Variants in PGGT1B observed in about 807,000 individuals in gnomAD.
PGGT1B encodes geranylgeranyl transferase type-1 subunit beta.
Under a neutral mutation model 46.1 loss-of-function variants are expected in PGGT1B, and 30 were observed. That is an observed-to-expected ratio of 0.65 (90% confidence interval 0.49 to 0.88). The LOEUF is 0.88. Among genes scored for constraint, PGGT1B ranks in the 40% least tolerant of loss-of-function variants. The probability of loss-of-function intolerance (pLI) is 0.00; values close to 1 mark genes in which losing one functional copy is unlikely to be tolerated. For synonymous variants in PGGT1B, 170 were observed against 160.0 expected (o/e 1.06, Z -0.47); for missense variants, 376 against 455.9 (o/e 0.82, Z 1.60).
At chr5:115,226,174 A>G (rs1418605468) in intron 6 of PGGT1B, among the ~76,000 whole-genome samples, 6 of 152,078 alleles carry the variant, frequency 3.9e-5, no homozygotes, top group African/African-American at 1.4e-4. Flanking sequence ...TTACCCTAAA[A>G]CTGTACAAGA....
intron 2 of PGGT1B, among the ~76,000 whole-genome samples, chr5:115,248,682 C>T (rs544336617): frequency 6.6e-6 from 1 of 152,272 alleles, no homozygotes; most frequent in East Asian, 1.9e-4. Context: ...ATATGCCAAA[C>T]GTGATTGTCT....
At chr5:115,242,891 C>T (rs576832511) in intron 2 of PGGT1B, among the ~76,000 whole-genome samples, 30 of 152,074 alleles carry the variant, frequency 2.0e-4, no homozygotes, top group Non-Finnish European at 3.1e-4. Context: ...TGCTTGAACC[C>T]GGGAGGTGGA....
chr5:115,218,689 A>G (rs1278302218), intron 7 of PGGT1B, among the ~76,000 whole-genome samples: 2 of 151,668 alleles, frequency 1.3e-5, no homozygotes, highest in Non-Finnish European at 3.0e-5. Context: ...TAATAAATTG[A>G]GAAGGAATGA....
intron 8 of PGGT1B, among the ~76,000 whole-genome samples, chr5:115,214,818 A>C (rs936189989): frequency 1.3e-5 from 2 of 152,212 alleles, no homozygotes; most frequent in African/African-American, 4.8e-5. Context: ...ATTATTTGTT[A>C]AAACAGTACC....
rs1258491376 is a variant in PGGT1B at position 115,236,484 on chromosome 5, C to A, written c.518G>T (p.Arg173Leu). ...AVPEGSENDM[R>L]FVYCASCICY... ...AATACAGGAAGCACAGTACACAAAT[C>A]GCATGTCATTTTCACTGCCTTCAGG... The change falls in exon 5 of 9, where the codon CGA becomes CTA. Residue 173 changes from arginine to leucine, a missense_variant. By Grantham distance (102) the Arg-to-Leu change is moderately radical. Transcript: ENST00000419445. 2 of 1,564,994 alleles carry A rather than the reference C, an allele frequency of 1.3e-6. No homozygotes were observed. The highest frequency in any genetic ancestry group is 1.7e-6 in the Non-Finnish European group (2 of 1,160,434).
Position 115,211,440 on chromosome 5 carries a change from TTTAC to T in PGGT1B, c.*958_*961del, listed in dbSNP as rs1314585765. 6.6e-6 allele frequency: 1 copy of T among 151,990 alleles called. No homozygotes were observed. Among genetic ancestry groups the T allele is most frequent in the Non-Finnish European group, 1.5e-5 (1 of 67,906 alleles). The allele number at this position is 151,990 out of a possible 1,614,324, so 9.4% of individuals were successfully genotyped here. On this transcript the variant is annotated 3_prime_UTR_variant, in exon 9 of 9. Transcript: ENST00000419445. ...TTTGAATGGTTCTGTTTTTGTATTTTTTACTTATTTAATTTGAAAAAAATTAGAA... is the reference window on the plus strand; with the variant it reads ...TTTGAATGGTTCTGTTTTTGTATTTTTTATTTAATTTGAAAAAAATTAGAA...
Position 115,216,935 on chromosome 5 carries a change from A to G in PGGT1B, c.882T>C (p.Asn294=). ...KIFQYTNFEK[N]RNYILSTQDR... ...CTTGAGTTGATAAGATGTAATTTCT[A>G]TTTTTCTCAAAGTTAGTGTATTGGA... Residue 294 remains asparagine, a synonymous_variant, in exon 8 of 9, where the codon AAT becomes AAC. Coordinates refer to ENST00000419445, the MANE Select transcript of PGGT1B (RefSeq NM_005023.4). 1.3e-6 allele frequency: 2 copies of G among 1,589,812 alleles called. No homozygotes were observed. Among genetic ancestry groups the G allele is most frequent in the African/African-American group, 2.7e-5 (2 of 74,422 alleles).
intron 6 of PGGT1B, among the ~76,000 whole-genome samples, chr5:115,229,427 T>C (rs1393145261): frequency 6.6e-6 from 1 of 152,112 alleles, no homozygotes; most frequent in Non-Finnish European, 1.5e-5. Context: ...AAGGAAGATA[T>C]ACGCTTTGGG....
At chr5:115,262,435 G>T (rs1043399406) in intron 1 of PGGT1B, 6 of 467,964 alleles carry the variant, frequency 1.3e-5, no homozygotes, top group African/African-American at 3.9e-5. Flanking sequence ...GACAGGCTAT[G>T]GGAGCGGGTA....
At chr5:115,243,639 GT>G (rs1265806420) in intron 2 of PGGT1B, among the ~76,000 whole-genome samples, 1 of 152,166 alleles carries the variant, frequency 6.6e-6, no homozygotes, top group Non-Finnish European at 1.5e-5. Flanking sequence ...CTGCCTTACT[GT>G]TTGTAAGGTC....
chr5:115,218,976 A>AT (rs1289434636), intron 7 of PGGT1B, among the ~76,000 whole-genome samples: 1 of 151,922 alleles, frequency 6.6e-6, no homozygotes, highest in East Asian at 1.9e-4. Context: ...ATGGAAAAGC[A>AT]TCCTGTGCTC....
intron 1 of PGGT1B, among the ~76,000 whole-genome samples, chr5:115,257,158 T>C (rs1748355643): frequency 1.3e-5 from 2 of 149,590 alleles, no homozygotes; most frequent in African/African-American, 5.0e-5. Context: ...TTAACCTAAG[T>C]GTCTCCAAAA....
intron 5 of PGGT1B, among the ~76,000 whole-genome samples, chr5:115,233,362 G>C (rs185644557): frequency 1.3e-4 from 20 of 151,638 alleles, no homozygotes; most frequent in Admixed American, 1.1e-3. Context: ...TTAAATTACA[G>C]GATGACTAAG....
At chr5:115,229,668 C>T (rs1756917325) in intron 6 of PGGT1B, among the ~76,000 whole-genome samples, 1 of 152,078 alleles carries the variant, frequency 6.6e-6, no homozygotes, top group African/African-American at 2.4e-5. Flanking sequence ...CCAGAGTGTA[C>T]ACTAATACCA....
At chr5:115,250,392 T>C (rs1380440821) in intron 2 of PGGT1B, among the ~76,000 whole-genome samples, 1 of 152,136 alleles carries the variant, frequency 6.6e-6, no homozygotes, top group Non-Finnish European at 1.5e-5. Flanking sequence ...GATTTAATAG[T>C]CTAACAACTA....
intron 6 of PGGT1B, among the ~76,000 whole-genome samples, chr5:115,226,708 G>C (rs917042837): frequency 1.3e-5 from 2 of 151,956 alleles, no homozygotes; most frequent in African/African-American, 2.4e-5. Context: ...CATTGTACAA[G>C]GGCATATGGA....
rs1344839525 is a variant in PGGT1B at position 115,204,729 on chromosome 5, G to C, written c.*7673C>G. On this transcript the variant is annotated 3_prime_UTR_variant, in exon 9 of 9. Coordinates refer to ENST00000419445, the MANE Select transcript of PGGT1B (RefSeq NM_005023.4). ...TTTAAAGCATAAATCCTTTAGTCCA[G>C]GAAATTCTTTCTAGGAACACCATAA... The C allele has an allele frequency of 6.6e-6, 1 of 151,994 alleles. No homozygotes were observed. Among genetic ancestry groups the C allele is most frequent in the Non-Finnish European group, 1.5e-5 (1 of 67,990 alleles). 9.4% of individuals were successfully genotyped at this position (151,994 alleles called of 1,614,324 possible).
At position 115,237,841 on chromosome 5, in the gene PGGT1B, C is replaced by T. The variant is rs762385521; in HGVS notation, c.479+17G>A. ...TTTTTGTTTATTACAAAAAAAGTAA[C>T]AAAGAATCACTCATACCTCCCATCT... On this transcript the variant is annotated intron_variant, in intron 4 of 8. Coordinates refer to ENST00000419445, the MANE Select transcript of PGGT1B (RefSeq NM_005023.4). 6.3e-7 allele frequency: 1 copy of T among 1,594,664 alleles called. No homozygotes were observed. Among genetic ancestry groups the T allele is most frequent in the Non-Finnish European group, 8.5e-7 (1 of 1,174,274 alleles).
chr5:115,247,608 T>G (rs1652991001), intron 2 of PGGT1B, among the ~76,000 whole-genome samples: 1 of 152,150 alleles, frequency 6.6e-6, no homozygotes, highest in Non-Finnish European at 1.5e-5. Flanking sequence ...TAAGAAGACA[T>G]GCCTTACACA....
Sources: gnomAD v4.1 joint callset for allele counts (sites outside exome capture counted in the v4.1 genomes callset) on GRCh38, gnomAD v4.1.1 for gene constraint, MANE v1.5 for transcripts, NCBI Gene and HGNC (gene_info 2026-07-23, HGNC 2026-07-21) for gene names.